NPHP4: variants seen among roughly 807,000 people sequenced by gnomAD.
NPHP4 encodes nephrocystin-4.
In NPHP4, 151 loss-of-function variants were observed where a neutral mutation model predicts 155.8. That is an observed-to-expected ratio of 0.97 (90% CI 0.85 to 1.11). The LOEUF (loss-of-function observed/expected upper bound fraction) is 1.11. Among genes scored for constraint, NPHP4 ranks in the 50% least tolerant of loss-of-function variants. The pLI is 0.00. For missense variants in NPHP4, 1,956 were observed against 1,925.7 expected (o/e 1.02, Z -0.29); for synonymous variants, 845 against 816.8 (o/e 1.03, Z -0.59).
intron 21 of NPHP4, 82 bp from the exon 22 acceptor site, chr1:5,874,739 G>A (rs762075469): frequency 1.3e-4 from 192 of 1,523,322 alleles, no homozygotes; most frequent in African/African-American, 2.9e-4. Context: ...CACCGAGAGC[G>A]GTGCTCAGAG....
chr1:5,863,369 A>G lies in NPHP4; in HGVS notation c.4177T>C (p.Phe1393Leu). 1 of 1,613,996 alleles carries G rather than the reference A, an allele frequency of 6.2e-7. No individual in the cohort carries two copies. The highest frequency in any genetic ancestry group is 2.2e-5 in the East Asian group (1 of 44,880). ...GGETYTIGLQ[F>L]APSQRVGEEE... is the part of the protein sequence containing the mutation. The stretch of plus-strand genomic sequence containing the variant: ...TCACCCACTCTCTGACTAGGCGCAA[A>G]CTGCAAGCCGATGGTGTAGGTCTCT... Residue 1393 changes from phenylalanine (F) to leucine (L), a missense_variant, in exon 30 of 30, where the codon TTT (phenylalanine) becomes CTT (leucine). Phe to Leu is a conservative substitution (Grantham distance 22). Transcript: ENST00000378156.
At chr1:5,887,050 G>A in intron 18 of NPHP4, 1 of 517,092 alleles carries the variant, frequency 1.9e-6, no homozygotes, top group Non-Finnish European at 3.4e-6. Flanking sequence ...ATGCAGGAGA[G>A]CCCGAGATGA....
intron 19 of NPHP4, 89 bp from the exon 20 acceptor site, chr1:5,877,387 A>C: frequency 9.3e-7 from 1 of 1,072,684 alleles, no homozygotes; most frequent in Non-Finnish European, 1.3e-6. Context: ...AGGACCACCT[A>C]TATAGGGAGG....
intron 9 of NPHP4, among the ~76,000 whole-genome samples, chr1:5,939,831 G>C (rs1646732913): frequency 6.6e-6 from 1 of 152,208 alleles, no homozygotes; most frequent in South Asian, 2.1e-4. Context: ...AAGGAACTTG[G>C]GAGCAAGAAG....
At chr1:5,902,239 G>A (rs1459345495) in intron 16 of NPHP4, among the ~76,000 whole-genome samples, 1 of 152,216 alleles carries the variant, frequency 6.6e-6, no homozygotes, top group East Asian at 1.9e-4. Flanking sequence ...GCCCACAGGA[G>A]AGAATGCAAC....
At chr1:5,952,888 T>C in intron 6 of NPHP4, 52 bp from the exon 7 acceptor site, 34 of 1,520,080 alleles carry the variant, frequency 2.2e-5, no homozygotes, top group Non-Finnish European at 2.8e-5. Flanking sequence ...AAACACCCAC[T>C]GGCAGCCACC....
intron 11 of NPHP4, among the ~76,000 whole-genome samples, chr1:5,923,576 G>A (rs1437397764): frequency 6.6e-6 from 1 of 152,198 alleles, no homozygotes; most frequent in East Asian, 1.9e-4. Flanking sequence ...AATAGGGCCT[G>A]GTCTTCACAG....
rs1277212093 is a variant in NPHP4 at position 5,948,137 on chromosome 1, C to G, written c.925G>C (p.Glu309Gln). 6.2e-7 allele frequency: 1 copy of G among 1,613,832 alleles called. No homozygotes were observed. The highest frequency in any genetic ancestry group is 1.7e-5 in the Admixed American group (1 of 60,028). The change falls in exon 8 of 30, where the codon GAG becomes CAG. Residue 309 changes from glutamate (E) to glutamine (Q), a missense_variant. By Grantham distance (29) the Glu-to-Gln change is conservative (BLOSUM62 2). Coordinates refer to ENST00000378156, the MANE Select transcript of NPHP4 (RefSeq NM_015102.5). ...QRPQVVVLVP[E>Q]MDVALTRSAS... The stretch of plus-strand genomic sequence containing the variant: ...GAGCGCGTCAAGGCCACATCCATCT[C>G]AGGCACCAGTACAACGACCTGCGGC...
intron 1 of NPHP4, 28 bp from the exon 2 acceptor site, chr1:5,986,355 A>G (rs560675964): frequency 2.3e-4 from 357 of 1,582,866 alleles, no homozygotes; most frequent in Admixed American, 3.1e-4. Context: ...AAATAAAGAG[A>G]AGAGCTGTGA....
chr1:5,986,743 C>A (rs1198546313), intron 1 of NPHP4, among the ~76,000 whole-genome samples: 1 of 152,014 alleles, frequency 6.6e-6, no homozygotes, highest in African/African-American at 2.4e-5. Context: ...TCCAGAGAAC[C>A]CTCCGCCCCA....
At chr1:5,971,565 A>G (rs536913206) in intron 3 of NPHP4, among the ~76,000 whole-genome samples, 1 of 152,346 alleles carries the variant, frequency 6.6e-6, no homozygotes, top group African/African-American at 2.4e-5. Context: ...TGAGGCAGGC[A>G]CAAAACTGCG....
intron 9 of NPHP4, among the ~76,000 whole-genome samples, chr1:5,934,381 G>A (rs539914398): frequency 5.9e-5 from 9 of 152,294 alleles, no homozygotes; most frequent in East Asian, 5.8e-4. Context: ...CAGAGCCACC[G>A]GAACAGCCCA....
intron 6 of NPHP4, among the ~76,000 whole-genome samples, chr1:5,955,444 T>C (rs1050874973): frequency 1.8e-4 from 28 of 152,266 alleles, no homozygotes; most frequent in East Asian, 3.8e-4. Context: ...CCCATGTTTA[T>C]TGCAGCACTA....
At chr1:5,891,999 T>G (rs1421528091) in intron 16 of NPHP4, among the ~76,000 whole-genome samples, 1 of 152,218 alleles carries the variant, frequency 6.6e-6, no homozygotes, top group Non-Finnish European at 1.5e-5. Context: ...AAGGACCCAC[T>G]GCTCAGGCCC....
chr1:5,865,390 C>G, intron 26 of NPHP4, 117 bp from the exon 27 acceptor site: 1 of 950,510 alleles, frequency 1.1e-6, no homozygotes, highest in Non-Finnish European at 1.5e-6. Context: ...GGGAAAGCCC[C>G]AGAGGACCAG....
intron 8 of NPHP4, among the ~76,000 whole-genome samples, 197 bp downstream of exon 8, chr1:5,947,873 G>T (rs565772700): frequency 6.7e-6 from 1 of 149,074 alleles, no homozygotes; most frequent in South Asian, 2.1e-4. Flanking sequence ...GAGCACAAAA[G>T]GAAAAAAAAA....
chr1:5,986,784 C>T (rs1339997119), intron 1 of NPHP4, among the ~76,000 whole-genome samples: 2 of 152,090 alleles, frequency 1.3e-5, no homozygotes, highest in Admixed American at 6.5e-5. Flanking sequence ...ACTCAGGGCA[C>T]GACTCTCCTG....
intron 2 of NPHP4, among the ~76,000 whole-genome samples, chr1:5,980,650 C>T (rs17028981): frequency 0.048 from 7,252 of 152,212 alleles, 315 homozygotes; most frequent in African/African-American, 0.12. Flanking sequence ...GGCTCTGCTG[C>T]TTTGCAGGAG....
chr1:5,928,307 CA>C (rs1323574720), intron 10 of NPHP4, among the ~76,000 whole-genome samples: 2 of 152,248 alleles, frequency 1.3e-5, no homozygotes, highest in African/African-American at 4.8e-5. Context: ...CACATGGAAT[CA>C]CATAATGTAT....
Sources: allele counts gnomAD v4.1 joint callset (sites outside exome capture counted in the v4.1 genomes callset), GRCh38; gene constraint gnomAD v4.1.1; transcripts MANE v1.5; gene names NCBI Gene and HGNC (gene_info 2026-07-23, HGNC 2026-07-21).